GPC5: variants seen among roughly 807,000 people sequenced by gnomAD.
GPC5 encodes the protein glypican 5.
GPC5 carries 47 observed loss-of-function variants against 53.9 expected under a neutral mutation model. The observed-to-expected ratio is 0.87, with a 90% CI of 0.69 to 1.11. The LOEUF is 1.11. Among genes scored for constraint, GPC5 ranks in the 50% most tolerant of loss-of-function variants. The pLI, the probability that GPC5 is intolerant of heterozygous loss-of-function variation, is 0.00. For missense variants in GPC5, 748 were observed against 713.1 expected (o/e 1.05, Z -0.56); for synonymous variants, 286 against 263.3 (o/e 1.09, Z -0.84).
chr13:92,013,807 A>G (rs1276020058), intron 6 of GPC5, among the ~76,000 whole-genome samples: 1 of 152,164 alleles, frequency 6.6e-6, no homozygotes, highest in East Asian at 1.9e-4. Flanking sequence ...CTTTAACATG[A>G]AAAATTTTTA....
At chr13:91,890,664 T>C (rs905794529) in intron 5 of GPC5, among the ~76,000 whole-genome samples, 12 of 152,220 alleles carry the variant, frequency 7.9e-5, no homozygotes, top group African/African-American at 2.9e-4. Context: ...TGTTAGGAGT[T>C]GTCCTGCAGT....
At chr13:91,636,361 G>A (rs1757546087) in intron 2 of GPC5, among the ~76,000 whole-genome samples, 1 of 150,428 alleles carries the variant, frequency 6.6e-6, no homozygotes, top group South Asian at 2.1e-4. Context: ...AACATATATA[G>A]TGTATACACA....
chr13:92,551,343 A>G (rs973718228), intron 7 of GPC5, among the ~76,000 whole-genome samples: 2 of 151,792 alleles, frequency 1.3e-5, no homozygotes, highest in Non-Finnish European at 3.0e-5. Flanking sequence ...AAATTGAGAT[A>G]TCAAAAGTCT....
chr13:92,855,063 T>C (rs897749755), intron 7 of GPC5, among the ~76,000 whole-genome samples: 1 of 151,984 alleles, frequency 6.6e-6, no homozygotes, highest in Non-Finnish European at 1.5e-5. Context: ...TGCAAATGAC[T>C]AATGGGCATA....
At chr13:91,909,277 G>A (rs117605507) in intron 6 of GPC5, among the ~76,000 whole-genome samples, 6,930 of 152,210 alleles carry the variant, frequency 0.046, 233 homozygotes, top group Non-Finnish European at 0.064. Flanking sequence ...TCACAGTATC[G>A]TCCACTATAG....
chr13:91,489,298 C>T (rs1359531474), intron 2 of GPC5, among the ~76,000 whole-genome samples: 4 of 152,144 alleles, frequency 2.6e-5, no homozygotes, highest in South Asian at 2.1e-4. Flanking sequence ...TGGAGCATGA[C>T]GGAACCTACT....
intron 7 of GPC5, among the ~76,000 whole-genome samples, chr13:92,860,541 G>A (rs1387189085): frequency 6.6e-6 from 1 of 152,076 alleles, no homozygotes; most frequent in Non-Finnish European, 1.5e-5. Flanking sequence ...CTTTAAAAAT[G>A]GGAAATAGTT....
intron 6 of GPC5, among the ~76,000 whole-genome samples, chr13:91,912,485 G>A (rs1175998296): frequency 2.0e-5 from 3 of 151,996 alleles, no homozygotes; most frequent in Non-Finnish European, 4.4e-5. Context: ...GACAAGAGAA[G>A]GCATCTAGGC....
chr13:92,468,663 G>C (rs955233904), intron 7 of GPC5, among the ~76,000 whole-genome samples: 6 of 152,060 alleles, frequency 3.9e-5, no homozygotes, highest in African/African-American at 1.4e-4. Context: ...GCATACATAG[G>C]ATTAATGAAA....
intron 7 of GPC5, among the ~76,000 whole-genome samples, chr13:92,547,824 T>TTTTG (rs1367332582): frequency 3.3e-5 from 2 of 59,880 alleles, no homozygotes; most frequent in Admixed American, 1.5e-4. Flanking sequence ...TTATTCTTTT[T>TTTTG]TTTTTTTTTT....
intron 7 of GPC5, among the ~76,000 whole-genome samples, chr13:92,218,547 C>A (rs1365319170): frequency 6.6e-6 from 1 of 152,112 alleles, no homozygotes; most frequent in Non-Finnish European, 1.5e-5. Context: ...CCTCTTTCAC[C>A]CAGTTCAGCC....
chr13:92,273,388 C>T (rs893886822), intron 7 of GPC5, among the ~76,000 whole-genome samples: 2 of 152,036 alleles, frequency 1.3e-5, no homozygotes, highest in Non-Finnish European at 2.9e-5. Flanking sequence ...CCAGTGACCT[C>T]TTATGCATCA....
intron 1 of GPC5, among the ~76,000 whole-genome samples, chr13:91,408,945 G>A (rs1282185039): frequency 6.6e-6 from 1 of 152,142 alleles, no homozygotes; most frequent in Non-Finnish European, 1.5e-5. Context: ...GATAAAATCT[G>A]AGAAGAGAAT....
chr13:92,769,209 G>A (rs1188394585), intron 7 of GPC5, among the ~76,000 whole-genome samples: 3 of 152,076 alleles, frequency 2.0e-5, no homozygotes, highest in African/African-American at 7.2e-5. Context: ...AAAAGTGCTG[G>A]GAAGGTTGCA....
At chr13:91,463,699 T>A (rs1423963720) in intron 2 of GPC5, among the ~76,000 whole-genome samples, 4 of 152,130 alleles carry the variant, frequency 2.6e-5, no homozygotes, top group Non-Finnish European at 1.5e-5. Flanking sequence ...AATATCCTTT[T>A]CAACAAACTG....
At chr13:91,568,106 C>T in intron 2 of GPC5, among the ~76,000 whole-genome samples, 1 of 152,152 alleles carries the variant, frequency 6.6e-6, no homozygotes. Flanking sequence ...TTCCTGAGGT[C>T]CCACTAGCCA....
In GPC5 at chr13:92,547,724, C is replaced by T. The variant is rs138450147; in HGVS notation, c.1562-318558C>T. Among the ~76,000 whole-genome samples, 555 of 148,678 alleles carry T rather than the reference C, an allele frequency of 3.7e-3. 4 individuals are homozygous for T. The highest frequency in any genetic ancestry group is 7.2e-3 in the Admixed American group (106 of 14,752). On this transcript the variant is annotated intron_variant, in intron 7 of 7. Coordinates refer to ENST00000377067, the MANE Select transcript of GPC5 (RefSeq NM_004466.6). ...GGGCATAAAACCAACTGTGAAAAATCTTTGTATTCTATTCATAGTTCCTTG... is the reference window on the plus strand; with the variant it reads ...GGGCATAAAACCAACTGTGAAAAATTTTTGTATTCTATTCATAGTTCCTTG...
chr13:92,247,848 T>A (rs954055470), intron 7 of GPC5, among the ~76,000 whole-genome samples: 1 of 152,128 alleles, frequency 6.6e-6, no homozygotes, highest in Non-Finnish European at 1.5e-5. Flanking sequence ...AATAACAATA[T>A]GGAAGCAGCA....
Position 92,545,925 on chromosome 13 carries a change from T to C in GPC5, c.1562-320357T>C, listed in dbSNP as rs914957881. On this transcript the variant is annotated intron_variant, in intron 7 of 7. Transcript: ENST00000377067. ...GCTGTGCAGAAGCTCTTTAGTTTAA[T>C]TAGATCCCATTTGTCAATTTTGGCT... Among the ~76,000 whole-genome samples the C allele has an allele frequency of 2.6e-5, 4 of 152,332 alleles. No homozygotes were observed. The South Asian group carries it at 8.3e-4, about 32-fold the overall frequency.
Sources: allele counts gnomAD v4.1 joint callset (sites outside exome capture counted in the v4.1 genomes callset), GRCh38; gene constraint gnomAD v4.1.1; transcripts MANE v1.5; gene names NCBI Gene and HGNC (gene_info 2026-07-23, HGNC 2026-07-21).